EPHA6: variants seen among roughly 807,000 people sequenced by gnomAD.
EPHA6 encodes EPH receptor A6.
In EPHA6, 50 loss-of-function variants were observed where a neutral mutation model predicts 112.0. The ratio of observed to expected loss-of-function variants is 0.45; its 90% confidence interval spans 0.36 to 0.56. The LOEUF (loss-of-function observed/expected upper bound fraction) is 0.56, where lower values mean the gene tolerates loss of function less well. Among genes scored for constraint, EPHA6 ranks in the 20% least tolerant of loss-of-function variants. The pLI, the probability that EPHA6 is intolerant of heterozygous loss-of-function variation, is 0.00. For missense variants in EPHA6, 1,280 were observed against 1,417.4 expected, an observed-to-expected ratio of 0.90 and a Z score of 1.56; for synonymous variants, 529 against 490.7, an observed-to-expected ratio of 1.08 and a Z score of -1.03.
chr3:96,934,358 T>G (rs1171693503), intron 2 of EPHA6, among the ~76,000 whole-genome samples: 1 of 151,760 alleles, frequency 6.6e-6, no homozygotes, highest in African/African-American at 2.4e-5. Flanking sequence ...ATACCATTAT[T>G]ATTAAATATA....
At chr3:97,168,815 T>G (rs186382742) in intron 3 of EPHA6, among the ~76,000 whole-genome samples, 47 of 152,144 alleles carry the variant, frequency 3.1e-4, no homozygotes, top group African/African-American at 1.1e-3. Flanking sequence ...TGGGCTGATA[T>G]GGAAAATTGG....
chr3:97,076,426 A>C (rs2046528130), intron 3 of EPHA6, among the ~76,000 whole-genome samples: 1 of 152,138 alleles, frequency 6.6e-6, no homozygotes, highest in Non-Finnish European at 1.5e-5. Flanking sequence ...AGGCTGAGAG[A>C]GGTAAGGAAG....
chr3:97,182,617 G>A (rs2077020371), intron 3 of EPHA6, among the ~76,000 whole-genome samples: 1 of 152,078 alleles, frequency 6.6e-6, no homozygotes, highest in Non-Finnish European at 1.5e-5. Flanking sequence ...ACTCTTGTGG[G>A]AAAATATCAA....
At chr3:97,578,417 C>T (rs2093407783) in intron 11 of EPHA6, among the ~76,000 whole-genome samples, 1 of 152,224 alleles carries the variant, frequency 6.6e-6, no homozygotes. Flanking sequence ...ATTGCAAACA[C>T]TACTTCCATT....
chr3:97,085,928 C>CATATATATATATATATATAT lies in EPHA6; in HGVS notation c.1114+97937_1114+97956dup, dbSNP rs67777487. Among the ~76,000 whole-genome samples, 645 of 119,390 alleles carry CATATATATATATATATATAT rather than the reference C, an allele frequency of 5.4e-3. 41 individuals are homozygous for CATATATATATATATATATAT. The highest frequency in any genetic ancestry group is 0.026 in the African/African-American group (573 of 22,246). 78.3% of individuals were successfully genotyped at this position (119,390 alleles called of 152,430 possible). ...TTGTGAGCTTTTATATATATGATGT[C>CATATATATATATATATATAT]ATATATATATATATATATATACACA... On this transcript the variant is annotated intron_variant, in intron 3 of 17. Transcript: ENST00000389672.
At chr3:97,330,032 C>T (rs1354734556) in intron 5 of EPHA6, among the ~76,000 whole-genome samples, 2 of 151,952 alleles carry the variant, frequency 1.3e-5, no homozygotes, top group Non-Finnish European at 2.9e-5. Context: ...AGCTTTCTAC[C>T]TATGGCTAGC....
intron 3 of EPHA6, among the ~76,000 whole-genome samples, chr3:97,108,288 T>C (rs75298954): frequency 1.3e-5 from 2 of 152,152 alleles, no homozygotes; most frequent in Non-Finnish European, 2.9e-5. Flanking sequence ...ACCAACTGGA[T>C]AGCAAGTGTT....
chr3:97,001,968 A>G (rs1470281985), intron 3 of EPHA6, among the ~76,000 whole-genome samples: 4 of 151,994 alleles, frequency 2.6e-5, no homozygotes, highest in African/African-American at 4.8e-5. Flanking sequence ...AGAGATAACT[A>G]TTGTCTTGGA....
chr3:97,477,649 C>T (rs2091413885), intron 8 of EPHA6, among the ~76,000 whole-genome samples: 1 of 152,074 alleles, frequency 6.6e-6, no homozygotes, highest in Non-Finnish European at 1.5e-5. Context: ...TTTAGCATTG[C>T]TACGTGTTTA....
chr3:96,820,137 G>A (rs1376144459), intron 1 of EPHA6, among the ~76,000 whole-genome samples: 1 of 152,108 alleles, frequency 6.6e-6, no homozygotes, highest in African/African-American at 2.4e-5. Context: ...ACTGAGTCCA[G>A]GGTGGACTGG....
intron 14 of EPHA6, among the ~76,000 whole-genome samples, chr3:97,691,576 A>G (rs189693097): frequency 6.6e-6 from 1 of 152,292 alleles, no homozygotes; most frequent in Admixed American, 6.5e-5. Context: ...ACTGACTTCT[A>G]TAAATATACA....
At chr3:97,527,271 C>T (rs985332671) in intron 10 of EPHA6, among the ~76,000 whole-genome samples, 6 of 152,106 alleles carry the variant, frequency 3.9e-5, no homozygotes, top group Non-Finnish European at 8.8e-5. Context: ...GCTGGGTCCA[C>T]AATTACTGGG....
intron 5 of EPHA6, among the ~76,000 whole-genome samples, chr3:97,306,400 A>C (rs2081322054): frequency 6.6e-6 from 1 of 151,374 alleles, no homozygotes; most frequent in African/African-American, 2.4e-5. Flanking sequence ...GCACAATACA[A>C]GTACTAGGGC....
chr3:97,545,685 AT>A (rs1560121550), intron 11 of EPHA6, among the ~76,000 whole-genome samples: 1 of 151,996 alleles, frequency 6.6e-6, no homozygotes, highest in African/African-American at 2.4e-5. Context: ...TCTCATTATT[AT>A]TGTGTGGGAG....
chr3:97,710,371 A>G (rs190937959), intron 14 of EPHA6, among the ~76,000 whole-genome samples: 98 of 152,346 alleles, frequency 6.4e-4, no homozygotes, highest in African/African-American at 2.3e-3. Flanking sequence ...CTAAACCAAT[A>G]TATCACAACA....
At chr3:97,078,970 A>G (rs952425379) in intron 3 of EPHA6, among the ~76,000 whole-genome samples, 1 of 152,172 alleles carries the variant, frequency 6.6e-6, no homozygotes, top group Non-Finnish European at 1.5e-5. Flanking sequence ...TCAAAGACTT[A>G]AAGACAGGAA....
intron 4 of EPHA6, among the ~76,000 whole-genome samples, chr3:97,227,733 C>A (rs2078402143): frequency 6.7e-6 from 1 of 148,912 alleles, no homozygotes; most frequent in South Asian, 2.1e-4. Flanking sequence ...GAGCTTCATG[C>A]CTCAGCATGG....
At chr3:97,093,886 T>C (rs773375292) in intron 3 of EPHA6, among the ~76,000 whole-genome samples, 3 of 152,148 alleles carry the variant, frequency 2.0e-5, no homozygotes, top group Non-Finnish European at 4.4e-5. Context: ...ATACTTCCTT[T>C]TTGTATCTAG....
intron 3 of EPHA6, among the ~76,000 whole-genome samples, chr3:97,169,000 C>G (rs2076617415): frequency 6.6e-6 from 1 of 152,090 alleles, no homozygotes; most frequent in East Asian, 1.9e-4. Flanking sequence ...AATATACACT[C>G]TTTTTTCTAG....
Sources: allele counts gnomAD v4.1 joint callset (sites outside exome capture counted in the v4.1 genomes callset), GRCh38; gene constraint gnomAD v4.1.1; transcripts MANE v1.5; gene names NCBI Gene and HGNC (gene_info 2026-07-23, HGNC 2026-07-21).